PTCHD4: variants seen among roughly 807,000 people sequenced by gnomAD.
PTCHD4 encodes patched domain containing 4.
PTCHD4 carries 33 observed loss-of-function variants against 58.1 expected under a neutral mutation model. The ratio of observed to expected loss-of-function variants is 0.57; its 90% confidence interval spans 0.43 to 0.76. The LOEUF is 0.76. Among genes scored for constraint, PTCHD4 ranks in the 30% least tolerant of loss-of-function variants. The pLI is 0.00. For missense variants in PTCHD4, 1,058 were observed against 1,027.1 expected, an observed-to-expected ratio of 1.03 and a Z score of -0.41; for synonymous variants, 478 against 409.6, an observed-to-expected ratio of 1.17 and a Z score of -2.02.
intron 1 of PTCHD4, among the ~76,000 whole-genome samples, chr6:48,084,683 G>A (rs374424975): frequency 4.0e-5 from 6 of 150,750 alleles, no homozygotes; most frequent in East Asian, 3.9e-4. Context: ...TTTCAAAACC[G>A]CTCAGTGTTT....
At chr6:47,931,453 G>T (rs1765819268) in intron 4 of PTCHD4, among the ~76,000 whole-genome samples, 1 of 152,104 alleles carries the variant, frequency 6.6e-6, no homozygotes, top group African/African-American at 2.4e-5. Context: ...AAAAGCCAAG[G>T]GTTTCAAATG....
intron 3 of PTCHD4, among the ~76,000 whole-genome samples, chr6:48,030,332 T>G (rs1204154758): frequency 2.0e-5 from 3 of 152,138 alleles, no homozygotes; most frequent in South Asian, 2.1e-4. Context: ...TTGAGGGTAT[T>G]AAATTTTAGT....
chr6:48,010,630 G>C (rs963205886), intron 3 of PTCHD4, among the ~76,000 whole-genome samples: 2 of 151,898 alleles, frequency 1.3e-5, no homozygotes, highest in Non-Finnish European at 2.9e-5. Context: ...TTAAGTTCTG[G>C]GGTACATGTG....
At chr6:47,897,695 T>C (rs183741609) in intron 4 of PTCHD4, among the ~76,000 whole-genome samples, 318 of 152,280 alleles carry the variant, frequency 2.1e-3, no homozygotes, top group Middle Eastern at 3.4e-3. Context: ...GGCAACACTG[T>C]GCTTTTATTT....
rs149261944 is a variant in PTCHD4, at chr6:48,056,837, A to G, written c.417+11393T>C. 2.6e-4 allele frequency among the ~76,000 whole-genome samples: 39 copies of G among 152,340 alleles called. No homozygotes were observed. The East Asian group carries it at 6.7e-3, about 26-fold the overall frequency. On this transcript the variant is annotated intron_variant, in intron 3 of 4. Transcript: ENST00000339488. ...GTTAGAACTGCAAGCACTGGTGACCATGTGACACTGAAGTCTGTGCTGAAG... is the reference window on the plus strand; with the variant it reads ...GTTAGAACTGCAAGCACTGGTGACCGTGTGACACTGAAGTCTGTGCTGAAG...
intron 4 of PTCHD4, among the ~76,000 whole-genome samples, chr6:47,884,853 G>A (rs1224537260): frequency 6.6e-6 from 1 of 152,192 alleles, no homozygotes; most frequent in African/African-American, 2.4e-5. Context: ...AGAGGATGAT[G>A]TTAATGACAG....
intron 3 of PTCHD4, among the ~76,000 whole-genome samples, chr6:48,050,864 C>G (rs762719491): frequency 4.6e-5 from 7 of 151,974 alleles, no homozygotes; most frequent in Non-Finnish European, 8.8e-5. Context: ...AAAGTGCTGT[C>G]ATAGGACAGT....
intron 1 of PTCHD4, among the ~76,000 whole-genome samples, chr6:48,091,576 T>C (rs1765365793): frequency 6.6e-6 from 1 of 152,070 alleles, no homozygotes; most frequent in African/African-American, 2.4e-5. Context: ...GAAGCAGATA[T>C]TATACTTTCT....
chr6:48,110,777 T>TTATA (rs889114045), intron 1 of PTCHD4, among the ~76,000 whole-genome samples: 1 of 140,904 alleles, frequency 7.1e-6, no homozygotes, highest in South Asian at 2.3e-4. Flanking sequence ...CTTTTCTATT[T>TTATA]TATATATATA....
Position 47,926,091 on chromosome 6 carries a change from C to T in PTCHD4, c.899-46155G>A, listed in dbSNP as rs138702392. Among the ~76,000 whole-genome samples the T allele has an allele frequency of 3.0e-3, 458 of 152,240 alleles. 5 individuals carry two copies. The highest frequency in any genetic ancestry group is 9.2e-3 in the African/African-American group (384 of 41,536). ...AACTTATCTGCGTTATCAAAGGACA[C>T]GTGAAGAACATCCTCACCTCAACAT... On this transcript the variant is annotated intron_variant, in intron 4 of 4. Transcript: ENST00000339488.
intron 3 of PTCHD4, among the ~76,000 whole-genome samples, chr6:48,027,637 A>T (rs1763294121): frequency 6.6e-6 from 1 of 152,308 alleles, no homozygotes; most frequent in Admixed American, 6.5e-5. Context: ...AATATAAATT[A>T]AAGTTCATAA....
chr6:48,062,440 G>T (rs936776670), intron 3 of PTCHD4, among the ~76,000 whole-genome samples: 1 of 152,010 alleles, frequency 6.6e-6, no homozygotes, highest in South Asian at 2.1e-4. Flanking sequence ...AGAATGGAGA[G>T]AACGCTTTCT....
chr6:47,890,971 G>A (rs1159993331), intron 4 of PTCHD4: 1 of 764,060 alleles, frequency 1.3e-6, no homozygotes, highest in Non-Finnish European at 1.6e-6. Context: ...ACTTTGGGGG[G>A]CTGAGGCTGG....
intron 3 of PTCHD4, among the ~76,000 whole-genome samples, chr6:48,023,380 A>G (rs2114115553): frequency 6.6e-6 from 1 of 152,298 alleles, no homozygotes; most frequent in Non-Finnish European, 1.5e-5. Context: ...TTTATGCAAT[A>G]GAGAAAAATA....
In PTCHD4 at chr6:47,878,798, A is replaced by G; in HGVS notation, c.2037T>C (p.Pro679=). The G allele has an allele frequency of 6.2e-7, 1 of 1,613,714 alleles. No homozygotes were observed. The highest frequency in any genetic ancestry group is 8.5e-7 in the Non-Finnish European group (1 of 1,179,782). The change falls in exon 5 of 5, where the codon CCT becomes CCC. Residue 679 remains proline, a synonymous_variant. Coordinates refer to ENST00000339488, the MANE Select transcript of PTCHD4 (RefSeq NM_001384253.1). The part of the protein sequence containing the change: ...LILTFFLVIH[P]LGNFWLILSV... ...TAAGAATTAGCCAGAAGTTTCCCAG[A>G]GGGTGGATCACTAGGAAAAAAGTCA...
chr6:48,007,936 GCACACA>G (rs10554552), intron 4 of PTCHD4, among the ~76,000 whole-genome samples: 6,894 of 150,024 alleles, frequency 0.046, 216 homozygotes, highest in African/African-American at 0.084. Context: ...GTGCGCGCGC[GCACACA>G]CACACACACA....
chr6:48,059,876 C>A (rs1764555234), intron 3 of PTCHD4, among the ~76,000 whole-genome samples: 1 of 152,176 alleles, frequency 6.6e-6, no homozygotes, highest in Non-Finnish European at 1.5e-5. Flanking sequence ...CTACCATTAA[C>A]CCACCCCTGT....
intron 4 of PTCHD4, among the ~76,000 whole-genome samples, chr6:47,972,226 A>G (rs1561984864): frequency 1.3e-5 from 2 of 152,160 alleles, no homozygotes; most frequent in Admixed American, 6.6e-5. Context: ...CAATCACAAA[A>G]CAGCAGAATA....
chr6:48,100,408 A>G lies in PTCHD4; in HGVS notation c.-970+10641T>C, dbSNP rs139256112. Among the ~76,000 whole-genome samples the G allele has an allele frequency of 6.1e-4, 93 of 152,292 alleles. 1 individual carries two copies. Among genetic ancestry groups the G allele is most frequent in the Non-Finnish European group, 9.4e-4 (64 of 68,028 alleles). On this transcript the variant is annotated intron_variant, in intron 1 of 4. Transcript: ENST00000339488. ...ATATAATTCCTTCCCTTATTCTCCC[A>G]TTAACAGAACCTCTCTTTTCAGTCA...
Sources: allele counts gnomAD v4.1 joint callset (sites outside exome capture counted in the v4.1 genomes callset), GRCh38; gene constraint gnomAD v4.1.1; transcripts MANE v1.5; gene names NCBI Gene and HGNC (gene_info 2026-07-23, HGNC 2026-07-21).